MAPK8IP1: variants seen among roughly 807,000 people sequenced by gnomAD.
The protein encoded by MAPK8IP1 is mitogen-activated protein kinase 8 interacting protein 1.
A neutral mutation model predicts 72.6 loss-of-function variants in MAPK8IP1; 17 were observed. The observed-to-expected ratio is 0.23, with a 90% CI of 0.16 to 0.35. MAPK8IP1 has a LOEUF of 0.35. MAPK8IP1 is among the 10% of genes least tolerant of loss of function. MAPK8IP1 has a pLI of 1.00. For missense variants in MAPK8IP1, 789 were observed against 1,009.7 expected, an observed-to-expected ratio of 0.78 and a Z score of 2.96; for synonymous variants, 401 against 443.4, an observed-to-expected ratio of 0.90 and a Z score of 1.20.
chr11:45,906,460 T>C lies in MAPK8IP1; in HGVS notation c.*739T>C. 7.4e-7 allele frequency: 1 copy of C among 1,352,272 alleles called. No individual in the cohort carries two copies. Among genetic ancestry groups the C allele is most frequent in the Non-Finnish European group, 9.8e-7 (1 of 1,018,500 alleles). The allele number at this position is 1,352,272 out of a possible 1,614,324, so 83.8% of individuals were successfully genotyped here. A position where few individuals can be genotyped will look rare whatever the true frequency, so the allele number is the denominator to read the frequency against. On this transcript the variant is annotated 3_prime_UTR_variant, in exon 12 of 12. Transcript: ENST00000241014. ...CCAACTATTAAAGTGCCATTTCCTGTCTGGACTGCAGTGGATGTATCTGCA... is the reference window on the plus strand; with the variant it reads ...CCAACTATTAAAGTGCCATTTCCTGCCTGGACTGCAGTGGATGTATCTGCA...
intron 2 of MAPK8IP1, 66 bp downstream of exon 2, chr11:45,898,256 A>T: frequency 1.9e-6 from 2 of 1,074,562 alleles, no homozygotes; most frequent in Non-Finnish European, 2.8e-6. Flanking sequence ...GGGTAAGGGT[A>T]TCCCCATAGT....
Position 45,903,276 on chromosome 11 carries a change from C to T in MAPK8IP1, c.1418-89C>T. 6.3e-7 allele frequency: 1 copy of T among 1,583,186 alleles called. No homozygotes were observed. The highest frequency in any genetic ancestry group is 1.7e-5 in the Admixed American group (1 of 59,660). On this transcript the variant is annotated intron_variant, in intron 5 of 11. Coordinates refer to ENST00000241014, the MANE Select transcript of MAPK8IP1 (RefSeq NM_005456.4). This position sits in a 1 kb window ranked among gnomAD's most constrained non-coding sequence, Gnocchi z 6.4. ...TGTTCTGGGAGGCGACCCCAGGCCC[C>T]ATCTGGTTAGGACTGAGGCTTCTAC...
At chr11:45,897,194 A>AC (rs34114061) in intron 1 of MAPK8IP1, among the ~76,000 whole-genome samples, 25 of 149,930 alleles carry the variant, frequency 1.7e-4, no homozygotes, top group Middle Eastern at 3.4e-3. Context: ...TAAATGTTCT[A>AC]CCCCCCCACC....
At chr11:45,885,961 G>A (rs1226526485) in intron 1 of MAPK8IP1, 40 bp downstream of exon 1, 10 of 1,348,750 alleles carry the variant, frequency 7.4e-6, no homozygotes, top group Non-Finnish European at 9.8e-6. Flanking sequence ...CCCTTCAGCG[G>A]GGACTGATCC....
intron 1 of MAPK8IP1, among the ~76,000 whole-genome samples, chr11:45,889,742 G>T (rs1253938501): frequency 6.6e-6 from 1 of 152,120 alleles, no homozygotes; most frequent in Non-Finnish European, 1.5e-5. Flanking sequence ...CAGCAAATTA[G>T]TGGCAAAGCT....
chr11:45,905,968 A>G lies in MAPK8IP1; in HGVS notation c.*247A>G, dbSNP rs58947135. The G allele has an allele frequency of 1.9e-3, 1,124 of 590,186 alleles. 13 individuals carry two copies. In the African/African-American group the frequency reaches 0.019, roughly 10 times the overall value. 36.6% of individuals were successfully genotyped at this position (590,186 alleles called of 1,614,324 possible). On this transcript the variant is annotated 3_prime_UTR_variant, in exon 12 of 12. Coordinates refer to ENST00000241014, the MANE Select transcript of MAPK8IP1 (RefSeq NM_005456.4). The stretch of plus-strand genomic sequence containing the variant: ...GGGCTGCCTGGGGATTGGGAGGGAC[A>G]GGGCTTGGGGAGCAGGTCTCTGGCA...
rs375735836 is a variant in MAPK8IP1, at chr11:45,903,073, C to A, written c.1306C>A (p.Arg436=). 7 of 1,611,374 alleles carry A rather than the reference C, an allele frequency of 4.3e-6. No individual in the cohort carries two copies. The highest frequency in any genetic ancestry group is 5.9e-6 in the Non-Finnish European group (7 of 1,179,926). ...CGGAGAGGAATATGAGGAGGCCCCG[C>A]GGCCCCAGCCCCCTGCCTGCCTCTC... ...AIGEEYEEAP[R]PQPPACLSED... The change falls in exon 5 of 12, where the codon CGG becomes AGG. Residue 436 remains arginine (R), a synonymous_variant. Coordinates refer to ENST00000241014, the MANE Select transcript of MAPK8IP1 (RefSeq NM_005456.4). The surrounding 1 kb of genome is among the most constrained non-coding windows in gnomAD (Gnocchi z 6.4).
At chr11:45,896,985 G>C in intron 1 of MAPK8IP1, 1 of 1,551,180 alleles carries the variant, frequency 6.4e-7, no homozygotes, top group Non-Finnish European at 8.7e-7. Context: ...GGTGGAGACC[G>C]AGTTGGGGTG....
rs994132991 is a variant in MAPK8IP1 at position 45,904,966 on chromosome 11, T to C, written c.1894-5T>C. The C allele has an allele frequency of 6.2e-7, 1 of 1,613,926 alleles. No individual in the cohort carries two copies. Among genetic ancestry groups the C allele is most frequent in the Non-Finnish European group, 8.5e-7 (1 of 1,179,830 alleles). On this transcript the variant is annotated splice_polypyrimidine_tract_variant and splice_region_variant and intron_variant, in intron 9 of 11. Coordinates refer to ENST00000241014, the MANE Select transcript of MAPK8IP1 (RefSeq NM_005456.4). The surrounding 1 kb of genome is among the most constrained non-coding windows in gnomAD (Gnocchi z 6.4). The stretch of plus-strand genomic sequence containing the variant: ...GCCCTCTTGCTTCTTTTCTCCCTCC[T>C]GTAGGGGAATAAATGTAGCCACTTT...
At position 45,902,467 on chromosome 11, in the gene MAPK8IP1, G is replaced by C. The variant is rs374206135; in HGVS notation, c.700G>C (p.Asp234His). 2 of 1,601,754 alleles carry C rather than the reference G, an allele frequency of 1.2e-6. No homozygotes were observed. Among genetic ancestry groups the C allele is most frequent in the East Asian group, 2.3e-5 (1 of 44,286 alleles). ...CACCACAGATCGAGGCACCTCCACCGACAGCCCTTGCCGCCGCAGCACAGC... is the reference window on the plus strand; with the variant it reads ...CACCACAGATCGAGGCACCTCCACCCACAGCCCTTGCCGCCGCAGCACAGC... ...APTTDRGTST[D>H]SPCRRSTATQ... Residue 234 changes from aspartate (D) to histidine (H), a missense_variant, in exon 5 of 12, where the codon GAC (aspartate) becomes CAC (histidine). Around this residue, in one of 4 missense-constraint regions of MAPK8IP1, gnomAD observed 377 missense variants for 411.7 expected, o/e 0.92. Transcript: ENST00000241014. This position sits in a 1 kb window ranked among gnomAD's most constrained non-coding sequence, Gnocchi z 9.3.
Position 45,904,637 on chromosome 11 carries a change from G to A in MAPK8IP1, c.1776+73G>A. 5.0e-6 allele frequency: 8 copies of A among 1,597,666 alleles called. No homozygotes were observed. The highest frequency in any genetic ancestry group is 6.9e-6 in the Non-Finnish European group (8 of 1,165,276). ...AGAGGGACGCAGGTGTCTAGAGGCAGTAAAGGGCTCAGGCCCTGGGACAGG... is the reference window on the plus strand; with the variant it reads ...AGAGGGACGCAGGTGTCTAGAGGCAATAAAGGGCTCAGGCCCTGGGACAGG... On this transcript the variant is annotated intron_variant, in intron 8 of 11. Transcript: ENST00000241014. The surrounding 1 kb of genome is among the most constrained non-coding windows in gnomAD (Gnocchi z 6.4).
rs373345172 is a variant in MAPK8IP1 at position 45,904,941 on chromosome 11, G to A, written c.1894-30G>A. ...CACCCTCACTGCAGGCCAGGTGACC[G>A]CCCTCTTGCTTCTTTTCTCCCTCCT... On this transcript the variant is annotated intron_variant, in intron 9 of 11. Coordinates refer to ENST00000241014, the MANE Select transcript of MAPK8IP1 (RefSeq NM_005456.4). The surrounding 1 kb of genome is among the most constrained non-coding windows in gnomAD (Gnocchi z 6.4). 29 of 1,609,882 alleles carry A rather than the reference G, an allele frequency of 1.8e-5. No individual in the cohort carries two copies. Among genetic ancestry groups the A allele is most frequent in the Middle Eastern group, 3.3e-4 (2 of 6,052 alleles).
rs768213877 is a variant in MAPK8IP1 at position 45,904,753 on chromosome 11, C to T, written c.1812C>T (p.Asn604=). The change falls in exon 9 of 12, where the codon AAC becomes AAT. Residue 604 remains asparagine (N), a synonymous_variant. Transcript: ENST00000241014. This position sits in a 1 kb window ranked among gnomAD's most constrained non-coding sequence, Gnocchi z 6.4. ...ATTRRLTVHF[N]PPSSCVLEIS... is the part of the protein sequence containing the mutation. ...CCCGCCGGCTCACCGTGCACTTTAA[C>T]CCGCCCTCCAGCTGTGTCCTGGAGA... 4 of 1,614,024 alleles carry T rather than the reference C, an allele frequency of 2.5e-6. No homozygotes were observed. The East Asian group carries it at 8.9e-5, about 36-fold the overall frequency.
At chr11:45,896,385 C>T (rs2086605647) in intron 1 of MAPK8IP1, among the ~76,000 whole-genome samples, 1 of 152,258 alleles carries the variant, frequency 6.6e-6, no homozygotes, top group Non-Finnish European at 1.5e-5. Context: ...CATCTCCCAC[C>T]TGGCACCCTG....
chr11:45,902,509 C>T lies in MAPK8IP1; in HGVS notation c.742C>T (p.Pro248Ser). ...CAGCACAGCCACCCAGATGGCACCTCCGGGTGGTCCCCCTGCTGCCCCGCC... is the reference window on the plus strand; with the variant it reads ...CAGCACAGCCACCCAGATGGCACCTTCGGGTGGTCCCCCTGCTGCCCCGCC... The part of the protein sequence containing the change: ...RRSTATQMAP[P>S]GGPPAAPPGG... The change falls in exon 5 of 12, where the codon CCG becomes TCG. Residue 248 changes from proline to serine, a missense_variant. Coordinates refer to ENST00000241014, the MANE Select transcript of MAPK8IP1 (RefSeq NM_005456.4). The surrounding 1 kb of genome is among the most constrained non-coding windows in gnomAD (Gnocchi z 9.3). 1 of 1,609,678 alleles carries T rather than the reference C, an allele frequency of 6.2e-7. No homozygotes were observed. Among genetic ancestry groups the T allele is most frequent in the Non-Finnish European group, 8.5e-7 (1 of 1,178,680 alleles).
In MAPK8IP1 at chr11:45,885,908, C is replaced by A. The variant is rs768043878; in HGVS notation, c.88C>A (p.Pro30Thr). The change falls in exon 1 of 12, where the codon CCT (proline) becomes ACT (threonine). Residue 30 changes from proline to threonine, a missense_variant. Physicochemically the swap from Pro to Thr is conservative, Grantham distance 38. This residue lies in a region of MAPK8IP1 where 112 missense variants were observed against 111.8 expected (regional missense o/e 1.00). Coordinates refer to ENST00000241014, the MANE Select transcript of MAPK8IP1 (RefSeq NM_005456.4). ...GTTCCTGGGGCTGCACATCGCTTCGCCTCCCAATTTCAGGTGAGAGTCCCC... is the reference window on the plus strand; with the variant it reads ...GTTCCTGGGGCTGCACATCGCTTCGACTCCCAATTTCAGGTGAGAGTCCCC... ...SPFLGLHIAS[P>T]PNFRLTHDIS... The A allele has an allele frequency of 1.4e-5, 20 of 1,477,278 alleles. No individual in the cohort carries two copies. The highest frequency in any genetic ancestry group is 3.0e-5 in the East Asian group (1 of 33,804). The allele number at this position is 1,477,278 out of a possible 1,614,324, so 91.5% of individuals were successfully genotyped here. A position where few individuals can be genotyped will look rare whatever the true frequency, so the allele number is the denominator to read the frequency against.
chr11:45,893,188 C>T (rs910113141), intron 1 of MAPK8IP1, among the ~76,000 whole-genome samples: 1 of 152,228 alleles, frequency 6.6e-6, no homozygotes. Context: ...CAGCACTTTA[C>T]CACTTAACCT....
chr11:45,902,554 C>A lies in MAPK8IP1; in HGVS notation c.787C>A (p.His263Asn). Reference protein sequence around the residue: ...AAPPGGRGHSHRDRIHYQADV... With the variant: ...AAPPGGRGHSNRDRIHYQADV... ...CCCGCCTGGGGGTCGGGGCCACTCG[C>A]ATCGAGACCGAATCCACTACCAGGC... The change falls in exon 5 of 12, where the codon CAT (histidine) becomes AAT (asparagine). Residue 263 changes from histidine (H) to asparagine (N), a missense_variant. His to Asn is a moderately conservative substitution (Grantham distance 68). Transcript: ENST00000241014. The surrounding 1 kb of genome is among the most constrained non-coding windows in gnomAD (Gnocchi z 9.3). The A allele has an allele frequency of 6.2e-7, 1 of 1,612,520 alleles. No homozygotes were observed. The highest frequency in any genetic ancestry group is 8.5e-7 in the Non-Finnish European group (1 of 1,179,792).
In MAPK8IP1 at chr11:45,903,940, C is replaced by T; in HGVS notation, c.1494-49C>T. 2.5e-6 allele frequency: 4 copies of T among 1,585,174 alleles called. No individual in the cohort carries two copies. The highest frequency in any genetic ancestry group is 3.5e-6 in the Non-Finnish European group (4 of 1,157,146). The stretch of plus-strand genomic sequence containing the variant: ...CTCCCAGACCCCAGAGTAGGCCTGG[C>T]TGGACAGGCCTTGGTGCCGAATTTC... On this transcript the variant is annotated intron_variant, in intron 6 of 11. Coordinates refer to ENST00000241014, the MANE Select transcript of MAPK8IP1 (RefSeq NM_005456.4). This position sits in a 1 kb window ranked among gnomAD's most constrained non-coding sequence, Gnocchi z 6.4.
Sources: allele counts gnomAD v4.1 joint callset (sites outside exome capture counted in the v4.1 genomes callset), GRCh38; gene constraint gnomAD v4.1.1; regional missense constraint gnomAD v4.1.1; non-coding constraint Gnocchi (gnomAD v3.1); transcripts MANE v1.5; gene names NCBI Gene and HGNC (gene_info 2026-07-23, HGNC 2026-07-21).